Variants in ANKRD22 observed in about 807,000 individuals in gnomAD.
The protein encoded by ANKRD22 is ankyrin repeat domain 22.
A neutral mutation model predicts 25.7 loss-of-function variants in ANKRD22; 24 were observed. The ratio of observed to expected loss-of-function variants is 0.93; its 90% confidence interval spans 0.68 to 1.31. The LOEUF (loss-of-function observed/expected upper bound fraction) is 1.31. Among genes scored for constraint, ANKRD22 ranks in the 50% most tolerant of loss-of-function variants. The probability of loss-of-function intolerance (pLI) is 0.00; values close to 1 mark genes in which losing one functional copy is unlikely to be tolerated. For synonymous variants in ANKRD22, 84 were observed against 84.3 expected, an observed-to-expected ratio of 1.00 and a Z score of 0.02; for missense variants, 214 against 227.1, an observed-to-expected ratio of 0.94 and a Z score of 0.37.
chr10:88,834,959 G>A (rs76090438), intron 1 of ANKRD22, among the ~76,000 whole-genome samples: 1 of 151,994 alleles, frequency 6.6e-6, no homozygotes, highest in Admixed American at 6.6e-5. Context: ...AGAAAAAAAA[G>A]AGAAAGTTTT....
chr10:88,830,449 G>A (rs1463689241), intron 2 of ANKRD22, among the ~76,000 whole-genome samples: 1 of 152,020 alleles, frequency 6.6e-6, no homozygotes, highest in Non-Finnish European at 1.5e-5. Flanking sequence ...GTGTTTGTTT[G>A]TTTAGTGTTT....
In ANKRD22 at chr10:88,828,599, A is replaced by G; in HGVS notation, c.281T>C (p.Ile94Thr). Residue 94 changes from isoleucine (I) to threonine (T), a missense_variant, in exon 3 of 6, where the codon ATC becomes ACC. Transcript: ENST00000371930. The stretch of plus-strand genomic sequence containing the variant: ...AATAAGCAGAACAGGCATTAAGAGG[A>G]TAATTAGTAGATAATCAATGAAGGT... ...KFTFIDYLLI[I>T]LLMPVLLIGY... 1 of 1,611,476 alleles carries G rather than the reference A, an allele frequency of 6.2e-7. No individual in the cohort carries two copies.
rs570233055 is a variant in ANKRD22, at chr10:88,833,163, A to G, written c.22-1137T>C. ...GAAGGCACTGAAGTTCAGGCCGTAA[A>G]CCCCATTTTATTTACTGCTATTTCT... On this transcript the variant is annotated intron_variant, in intron 1 of 5. Transcript: ENST00000371930. Among the ~76,000 whole-genome samples, 4 of 152,208 alleles carry G rather than the reference A, an allele frequency of 2.6e-5. No individual in the cohort carries two copies. In the East Asian group the frequency reaches 5.8e-4, roughly 22 times the overall value.
At position 88,820,595 on chromosome 10, in the gene ANKRD22, A is replaced by C; in HGVS notation, c.*2346T>G. On this transcript the variant is annotated 3_prime_UTR_variant, in exon 6 of 6. Coordinates refer to ENST00000371930, the MANE Select transcript of ANKRD22 (RefSeq NM_144590.3). The stretch of plus-strand genomic sequence containing the variant: ...TACGGAGAGCAGAGACCTAGTATAC[A>C]TTTTTCAGATTCCCTGCACTTGGCA... 8.1e-7 allele frequency: 1 copy of C among 1,239,330 alleles called. No homozygotes were observed. The highest frequency in any genetic ancestry group is 1.6e-5 in the South Asian group (1 of 63,114). 76.8% of individuals were successfully genotyped at this position (1,239,330 alleles called of 1,614,324 possible). A position where few individuals can be genotyped will look rare whatever the true frequency, so the allele number is the denominator to read the frequency against.
intron 1 of ANKRD22, 79 bp from the exon 2 acceptor site, chr10:88,832,105 A>C: frequency 3.7e-6 from 5 of 1,366,530 alleles, no homozygotes; most frequent in Non-Finnish European, 5.0e-6. Flanking sequence ...GTCATAACCC[A>C]ATACATTAAA....
intron 1 of ANKRD22, among the ~76,000 whole-genome samples, chr10:88,845,505 C>T (rs1406903940): frequency 6.6e-6 from 1 of 152,096 alleles, no homozygotes; most frequent in Non-Finnish European, 1.5e-5. Flanking sequence ...GCTAAAGTAC[C>T]ATGTCCAAAT....
rs1844085715 is a variant in ANKRD22, at chr10:88,849,709, T to A, written c.21+1878A>T. 3.3e-5 allele frequency among the ~76,000 whole-genome samples: 5 copies of A among 152,292 alleles called. No homozygotes were observed. In the South Asian group the frequency reaches 1.0e-3, roughly 32 times the overall value. ...TAAGAAGCCCTAAATACATGTTTGT[T>A]GCTATTGTAAATATTATGAACAAAT... is the stretch of plus-strand genomic sequence containing the variant. On this transcript the variant is annotated intron_variant, in intron 1 of 5. Coordinates refer to ENST00000371930, the MANE Select transcript of ANKRD22 (RefSeq NM_144590.3).
In ANKRD22 at chr10:88,836,017, C is replaced by T. The variant is rs1843951080; in HGVS notation, c.22-3991G>A. On this transcript the variant is annotated intron_variant, in intron 1 of 5. Coordinates refer to ENST00000371930, the MANE Select transcript of ANKRD22 (RefSeq NM_144590.3). ...CACACTTGGGAAATTATTATAATAA[C>T]TCTATCCCCTAATAGTCTCAGAACC... is the stretch of plus-strand genomic sequence containing the variant. 3.9e-5 allele frequency among the ~76,000 whole-genome samples: 6 copies of T among 152,204 alleles called. No homozygotes were observed. In the South Asian group the frequency reaches 1.2e-3, roughly 32 times the overall value.
chr10:88,839,325 G>A (rs919504295), intron 1 of ANKRD22, among the ~76,000 whole-genome samples: 11 of 152,108 alleles, frequency 7.2e-5, no homozygotes, highest in African/African-American at 2.7e-4. Context: ...ATGTGCCCAA[G>A]TTCCTAGAAA....
chr10:88,834,343 TC>T (rs1843932927), intron 1 of ANKRD22, among the ~76,000 whole-genome samples: 1 of 152,190 alleles, frequency 6.6e-6, no homozygotes, highest in African/African-American at 2.4e-5. Flanking sequence ...AAGAATATAA[TC>T]ACCAGGGGGA....
intron 1 of ANKRD22, among the ~76,000 whole-genome samples, chr10:88,850,051 A>T (rs1240425196): frequency 6.7e-6 from 1 of 149,906 alleles, no homozygotes; most frequent in Non-Finnish European, 1.5e-5. Context: ...ACATAGGACC[A>T]GGGATCCAGC....
At chr10:88,846,938 C>T (rs74535279) in intron 1 of ANKRD22, among the ~76,000 whole-genome samples, 4,364 of 152,170 alleles carry the variant, frequency 0.029, 81 homozygotes, top group Non-Finnish European at 0.041. Flanking sequence ...GCAGATGTTT[C>T]GTCACTACAA....
intron 1 of ANKRD22, among the ~76,000 whole-genome samples, chr10:88,843,298 G>T (rs1302919209): frequency 6.6e-6 from 1 of 152,136 alleles, no homozygotes; most frequent in South Asian, 2.1e-4. Flanking sequence ...GTTGCTGAAA[G>T]ACCTCATCCC....
At chr10:88,847,685 T>C (rs1844062718) in intron 1 of ANKRD22, among the ~76,000 whole-genome samples, 2 of 151,856 alleles carry the variant, frequency 1.3e-5, no homozygotes, top group Admixed American at 6.6e-5. Flanking sequence ...CTGTTACCCA[T>C]AAGTATCTGC....
At chr10:88,848,201 TAC>T (rs1844071182) in intron 1 of ANKRD22, among the ~76,000 whole-genome samples, 1 of 147,760 alleles carries the variant, frequency 6.8e-6, no homozygotes, top group African/African-American at 2.5e-5. Flanking sequence ...TATGTATATA[TAC>T]ATATATATAT....
At chr10:88,847,754 CA>C (rs1844064868) in intron 1 of ANKRD22, among the ~76,000 whole-genome samples, 1 of 150,794 alleles carries the variant, frequency 6.6e-6, no homozygotes, top group Non-Finnish European at 1.5e-5. Context: ...AAAAGCAAAA[CA>C]AAAACAAAAT....
intron 3 of ANKRD22, among the ~76,000 whole-genome samples, chr10:88,826,458 G>C (rs753065681): frequency 6.6e-6 from 1 of 152,182 alleles, no homozygotes; most frequent in Non-Finnish European, 1.5e-5. Context: ...ATTGCTCTGA[G>C]GACAAAAGTA....
chr10:88,840,987 A>G (rs1476591667), intron 1 of ANKRD22, among the ~76,000 whole-genome samples: 1 of 152,178 alleles, frequency 6.6e-6, no homozygotes, highest in Non-Finnish European at 1.5e-5. Context: ...TAGAGAAGTC[A>G]TAGTTCCTCA....
At position 88,820,069 on chromosome 10, in the gene ANKRD22, A is replaced by T. The variant is rs930964875; in HGVS notation, c.*2872T>A. Among the ~76,000 whole-genome samples the T allele has an allele frequency of 3.3e-5, 5 of 152,240 alleles. No homozygotes were observed. Among genetic ancestry groups the T allele is most frequent in the African/African-American group, 1.2e-4 (5 of 41,462 alleles). On this transcript the variant is annotated 3_prime_UTR_variant, in exon 6 of 6. Coordinates refer to ENST00000371930, the MANE Select transcript of ANKRD22 (RefSeq NM_144590.3). ...ATAATGTTAAGTAATTTTACCTTAA[A>T]GTAAGGGCGGGAACAGAAATTCTTA... is the stretch of plus-strand genomic sequence containing the variant.
Sources: allele counts gnomAD v4.1 joint callset (sites outside exome capture counted in the v4.1 genomes callset), GRCh38; gene constraint gnomAD v4.1.1; transcripts MANE v1.5; gene names NCBI Gene and HGNC (gene_info 2026-07-23, HGNC 2026-07-21).